WFDC8: variants seen among roughly 807,000 people sequenced by gnomAD.
The protein encoded by WFDC8 is WAP four-disulfide core domain protein 8.
A neutral mutation model predicts 27.0 loss-of-function variants in WFDC8; 24 were observed. The observed-to-expected ratio is 0.89, with a 90% CI of 0.64 to 1.25. WFDC8 has a LOEUF of 1.25. WFDC8 is among the 50% of genes most tolerant of loss of function. The pLI, the probability that WFDC8 is intolerant of heterozygous loss-of-function variation, is 0.00. For missense variants in WFDC8, 287 were observed against 295.9 expected (o/e 0.97, Z 0.22); for synonymous variants, 106 against 99.7 (o/e 1.06, Z -0.38).
chr20:45,579,076 G>A lies in WFDC8; in HGVS notation c.26+146C>T, dbSNP rs1022338013. The A allele has an allele frequency of 1.6e-5, 12 of 753,236 alleles. No individual in the cohort carries two copies. The Admixed American group carries it at 2.4e-4, about 15-fold the overall frequency. 46.7% of individuals were successfully genotyped at this position (753,236 alleles called of 1,614,324 possible). On this transcript the variant is annotated intron_variant, in intron 1 of 5. Transcript: ENST00000289953. ...GCTTAGGCTCTGATTCCTGACACAA[G>A]ACAGCTCTGTTCTGTGGAACCCCTC...
intron 3 of WFDC8, among the ~76,000 whole-genome samples, chr20:45,558,039 C>G (rs759306116): frequency 3.9e-5 from 6 of 152,144 alleles, no homozygotes; most frequent in Non-Finnish European, 7.4e-5. Flanking sequence ...CACCCGCCCC[C>G]CTCTAAGCTA....
intron 1 of WFDC8, among the ~76,000 whole-genome samples, chr20:45,570,048 G>A (rs1328461496): frequency 6.6e-6 from 1 of 152,146 alleles, no homozygotes; most frequent in Non-Finnish European, 1.5e-5. Context: ...TTGGAGGGTA[G>A]GAGGAAGGAG....
At chr20:45,579,130 G>A in intron 1 of WFDC8, 92 bp downstream of exon 1, 1 of 1,313,800 alleles carries the variant, frequency 7.6e-7, no homozygotes, top group Non-Finnish European at 1.1e-6. Context: ...ACTCCCCACA[G>A]CCGACCACTC....
chr20:45,558,764 C>G, intron 3 of WFDC8, 88 bp downstream of exon 3: 2 of 1,547,550 alleles, frequency 1.3e-6, no homozygotes, highest in Admixed American at 1.8e-5. Context: ...GCCCTGGGTC[C>G]TTGTCCTGCC....
chr20:45,568,084 G>A (rs368379905), intron 1 of WFDC8: 23 of 360,824 alleles, frequency 6.4e-5, no homozygotes, highest in African/African-American at 3.7e-4. Flanking sequence ...GTTGCTGTGC[G>A]CAGGTGCTGT....
In WFDC8 at chr20:45,552,080, C is replaced by A. The variant is rs1482303980; in HGVS notation, c.672G>T (p.Leu224Phe). The change falls in exon 6 of 6, where the codon TTG becomes TTT. Residue 224 changes from leucine (L) to phenylalanine (F), a missense_variant. Leu to Phe is a conservative substitution (Grantham distance 22). Transcript: ENST00000289953. ...CACAATGTGAGCAGCACTTTTCCACCAATGGGCACTCCTCATCCTGCAGGC... is the reference window on the plus strand; with the variant it reads ...CACAATGTGAGCAGCACTTTTCCACAAATGGGCACTCCTCATCCTGCAGGC... Reference protein sequence around the residue: ...PKCLQDEECPLVEKCCSHCGL... With the variant: ...PKCLQDEECPFVEKCCSHCGL... The A allele has an allele frequency of 1.9e-6, 3 of 1,614,112 alleles. No individual in the cohort carries two copies. In the Admixed American group the frequency reaches 5.0e-5, roughly 27 times the overall value.
rs550778782 is a variant in WFDC8 at position 45,571,081 on chromosome 20, TA to T, written c.26+8140del. Among the ~76,000 whole-genome samples, 106 of 151,968 alleles carry T rather than the reference TA, an allele frequency of 7.0e-4. 2 individuals carry two copies. The highest frequency in any genetic ancestry group is 2.6e-3 in the African/African-American group (106 of 41,478). Reference sequence around the variant, plus strand: ...CAGAGCCCCATCATTGAACCTACTTTAAAAAAAAGTCTTCATAATTTCCATA... The same window carrying T: ...CAGAGCCCCATCATTGAACCTACTTTAAAAAAAGTCTTCATAATTTCCATA... On this transcript the variant is annotated intron_variant, in intron 1 of 5. Transcript: ENST00000289953.
chr20:45,553,079 G>T (rs961064927), intron 5 of WFDC8, 57 bp downstream of exon 5: 50 of 1,565,038 alleles, frequency 3.2e-5, no homozygotes, highest in Non-Finnish European at 1.2e-5. Flanking sequence ...CATGGAGACA[G>T]CATGACATCC....
intron 1 of WFDC8, among the ~76,000 whole-genome samples, chr20:45,570,856 G>A (rs564858870): frequency 5.9e-5 from 9 of 152,236 alleles, no homozygotes; most frequent in South Asian, 2.1e-4. Context: ...TATTTTAGTC[G>A]TTCTAATAGA....
At chr20:45,565,492 T>C (rs1980645600) in intron 1 of WFDC8, among the ~76,000 whole-genome samples, 1 of 149,338 alleles carries the variant, frequency 6.7e-6, no homozygotes, top group Non-Finnish European at 1.5e-5. Flanking sequence ...CTTCTTCTCT[T>C]TGATTAAGTC....
chr20:45,573,139 GT>G (rs1239066795), intron 1 of WFDC8, among the ~76,000 whole-genome samples: 2 of 152,100 alleles, frequency 1.3e-5, no homozygotes, highest in Non-Finnish European at 2.9e-5. Context: ...CACTTGTCTA[GT>G]TTTACTTCTG....
At chr20:45,565,915 T>A (rs6104223) in intron 1 of WFDC8, among the ~76,000 whole-genome samples, 55,121 of 151,796 alleles carry the variant, frequency 0.36, 10,602 homozygotes, top group Non-Finnish European at 0.42. Flanking sequence ...TTTTAAAAAA[T>A]ATATTTAAAG....
chr20:45,555,851 C>T lies in WFDC8; in HGVS notation c.295G>A (p.Val99Met), dbSNP rs1555885425. ...TCATGATTACAGTTTCCATGCCTCA[C>T]AGGTAGCATGCAGGGTTCTGAGGTC... ...DPFQEPCMLP[V>M]RHGNCNHEAQ... The change falls in exon 4 of 6, where the codon GTG becomes ATG. Residue 99 changes from valine (V) to methionine (M), a missense_variant. Coordinates refer to ENST00000289953, the MANE Select transcript of WFDC8 (RefSeq NM_130896.3). The T allele has an allele frequency of 5.0e-6, 8 of 1,613,928 alleles. No individual in the cohort carries two copies. The highest frequency in any genetic ancestry group is 5.9e-6 in the Non-Finnish European group (7 of 1,179,900).
rs1180506309 is a variant in WFDC8, at chr20:45,553,148, T to C, written c.574A>G (p.Arg192Gly). 1 of 1,613,248 alleles carries C rather than the reference T, an allele frequency of 6.2e-7. No homozygotes were observed. Among genetic ancestry groups the C allele is most frequent in the Non-Finnish European group, 8.5e-7 (1 of 1,179,606 alleles). ...CCCCAATCCTTACCTGTCCAGGCCCTGGCACAAACAAAGCCACACCTGGAT... is the reference window on the plus strand; with the variant it reads ...CCCCAATCCTTACCTGTCCAGGCCCCGGCACAAACAAAGCCACACCTGGAT... ...CESRCGFVCA[R>G]AWTVKKGFCP... The change falls in exon 5 of 6, where the codon AGG becomes GGG. Residue 192 changes from arginine (R) to glycine (G), a missense_variant. Coordinates refer to ENST00000289953, the MANE Select transcript of WFDC8 (RefSeq NM_130896.3).
In WFDC8 at chr20:45,565,014, G is replaced by GAGAAAGAAAGAA. The variant is rs371516760; in HGVS notation, c.27-2796_27-2795insTTCTTTCTTTCT. ...AAAGGAAAGGAAAGGAAGAAAGAAA[G>GAGAAAGAAAGAA]AGAAAGAAAGGAAGGAAGGAAGAAG... is the stretch of plus-strand genomic sequence containing the variant. On this transcript the variant is annotated intron_variant, in intron 1 of 5. Coordinates refer to ENST00000289953, the MANE Select transcript of WFDC8 (RefSeq NM_130896.3). 7.6e-3 allele frequency among the ~76,000 whole-genome samples: 671 copies of GAGAAAGAAAGAA among 88,052 alleles called. 1 individual carries two copies. The highest frequency in any genetic ancestry group is 0.014 in the Non-Finnish European group (508 of 37,490). The allele number at this position is 88,052 out of a possible 152,430, so 57.8% of individuals were successfully genotyped here.
At chr20:45,579,168 T>A in intron 1 of WFDC8, 54 bp downstream of exon 1, 2 of 1,584,640 alleles carry the variant, frequency 1.3e-6, no homozygotes, top group Non-Finnish European at 8.7e-7. Flanking sequence ...CCTCATCTCC[T>A]TGGGCTCAGA....
chr20:45,555,552 G>T, intron 4 of WFDC8, 149 bp downstream of exon 4: 1 of 785,542 alleles, frequency 1.3e-6, no homozygotes, highest in Non-Finnish European at 2.0e-6. Flanking sequence ...TATAAAGGCA[G>T]GCAACTGGCC....
At chr20:45,556,708 G>GTAT in intron 3 of WFDC8, among the ~76,000 whole-genome samples, 1 of 152,152 alleles carries the variant, frequency 6.6e-6, no homozygotes, top group East Asian at 1.9e-4. Flanking sequence ...AGCTCGATAG[G>GTAT]TGGGTGCCTC....
rs118187173 is a variant in WFDC8, at chr20:45,553,258, G to T, written c.464C>A (p.Pro155Gln). Reference sequence around the variant, plus strand: ...CTTACGTTCAGTGAAAGGGAAGAGTGGGCATTGTCCATCCTTAACTAAAAT... The same window carrying T: ...CTTACGTTCAGTGAAAGGGAAGAGTTGGCATTGTCCATCCTTAACTAAAAT... Reference protein sequence around the residue: ...CMLIVKDGQCPLFPFTERKEC... With the variant: ...CMLIVKDGQCQLFPFTERKEC... The change falls in exon 5 of 6, where the codon CCA (proline) becomes CAA (glutamine). Residue 155 changes from proline (P) to glutamine (Q), a missense_variant. Physicochemically the swap from Pro to Gln is moderately conservative, Grantham distance 76 (BLOSUM62 -1). Coordinates refer to ENST00000289953, the MANE Select transcript of WFDC8 (RefSeq NM_130896.3). 9.4e-5 allele frequency: 151 copies of T among 1,613,612 alleles called. No individual in the cohort carries two copies. The East Asian group carries it at 2.8e-3, about 30-fold the overall frequency.
Sources: gnomAD v4.1 joint callset for allele counts (sites outside exome capture counted in the v4.1 genomes callset) on GRCh38, gnomAD v4.1.1 for gene constraint, MANE v1.5 for transcripts, NCBI Gene and HGNC (gene_info 2026-07-23, HGNC 2026-07-21) for gene names.